Variants in BCAS3 observed in about 807,000 individuals in gnomAD.
BCAS3 encodes BCAS4/BCAS3 fusion.
A neutral mutation model predicts 116.1 loss-of-function variants in BCAS3; 53 were observed. The observed-to-expected ratio is 0.46, with a 90% CI of 0.37 to 0.57. BCAS3 has a LOEUF of 0.57. Ranked by LOEUF, BCAS3 falls within the 20% of genes least tolerant of loss-of-function variation. The probability of loss-of-function intolerance (pLI) is 0.00; values close to 1 mark genes in which losing one functional copy is unlikely to be tolerated. For synonymous variants in BCAS3, 391 were observed against 408.2 expected, an observed-to-expected ratio of 0.96 and a Z score of 0.51; for missense variants, 917 against 1,165.4, an observed-to-expected ratio of 0.79 and a Z score of 3.10.
At chr17:60,825,444 C>T (rs1367302700) in intron 7 of BCAS3, among the ~76,000 whole-genome samples, 1 of 149,678 alleles carries the variant, frequency 6.7e-6, no homozygotes, top group African/African-American at 2.4e-5. Flanking sequence ...TGCTGGTGTC[C>T]TAGTTTGTTC....
chr17:60,918,711 G>C (rs571083567), intron 12 of BCAS3, among the ~76,000 whole-genome samples: 12 of 52,978 alleles, frequency 2.3e-4, no homozygotes, highest in Non-Finnish European at 3.3e-4. Flanking sequence ...TTTTTTTTTT[G>C]AGATGGAGTC....
chr17:60,934,113 G>GAA (rs11464468), intron 13 of BCAS3, among the ~76,000 whole-genome samples: 1 of 150,010 alleles, frequency 6.7e-6, no homozygotes, highest in African/African-American at 2.4e-5. Context: ...TTTAAAAGCA[G>GAA]AAAAAAAAAC....
intron 3 of BCAS3, among the ~76,000 whole-genome samples, chr17:60,686,947 A>C (rs1281326385): frequency 6.6e-6 from 1 of 152,236 alleles, no homozygotes; most frequent in Non-Finnish European, 1.5e-5. Flanking sequence ...GTCAATTAAT[A>C]AGCAAATGAT....
intron 14 of BCAS3, among the ~76,000 whole-genome samples, chr17:60,982,912 C>G (rs1328719594): frequency 6.6e-6 from 1 of 152,174 alleles, no homozygotes. Context: ...CAAACATTTT[C>G]TGTGTCAGTT....
intron 22 of BCAS3, among the ~76,000 whole-genome samples, chr17:61,100,038 C>G (rs539470493): frequency 2.2e-4 from 33 of 152,282 alleles, no homozygotes; most frequent in African/African-American, 7.7e-4. Context: ...CGTCTTGAGT[C>G]TTAAACCTAT....
At chr17:60,865,830 C>T (rs1023295940) in intron 7 of BCAS3, among the ~76,000 whole-genome samples, 1 of 152,130 alleles carries the variant, frequency 6.6e-6, no homozygotes, top group Admixed American at 6.5e-5. Context: ...AATTTTGCCT[C>T]GTTCTTGACC....
At chr17:60,743,507 T>C (rs1242731742) in intron 5 of BCAS3, among the ~76,000 whole-genome samples, 4 of 148,830 alleles carry the variant, frequency 2.7e-5, no homozygotes, top group Admixed American at 2.6e-4. Flanking sequence ...TGATAAAGTT[T>C]GCTAAAAAAA....
chr17:61,110,254 T>C (rs1472488120), intron 22 of BCAS3, among the ~76,000 whole-genome samples: 4 of 152,220 alleles, frequency 2.6e-5, no homozygotes, highest in Admixed American at 1.3e-4. Flanking sequence ...GATGGCCGAA[T>C]AGGAACAGCT....
At chr17:61,155,161 AT>A (rs575893682) in intron 22 of BCAS3, among the ~76,000 whole-genome samples, 4 of 151,750 alleles carry the variant, frequency 2.6e-5, no homozygotes, top group Non-Finnish European at 4.4e-5. Flanking sequence ...CTTACATATG[AT>A]TTTTTTTTAA....
In BCAS3 at chr17:60,808,013, A is replaced by T; in HGVS notation, c.413A>T (p.Lys138Ile). ...ILPAPQFGAQ[K>I]CDNFAEKRPL... ...TTATCCTTCCTGTCAGGTGCTCAAA[A>T]ATGTGATAACTTTGCTGAAAAAAGA... Residue 138 changes from lysine (K) to isoleucine (I), a missense_variant, in exon 7 of 24, where the codon AAA becomes ATA. By Grantham distance (102) the Lys-to-Ile change is moderately radical. Transcript: ENST00000407086. The T allele has an allele frequency of 6.2e-7, 1 of 1,606,210 alleles. No homozygotes were observed. Among genetic ancestry groups the T allele is most frequent in the Middle Eastern group, 1.7e-4 (1 of 6,048 alleles).
At chr17:60,850,992 A>C (rs2053093847) in intron 7 of BCAS3, among the ~76,000 whole-genome samples, 2 of 152,234 alleles carry the variant, frequency 1.3e-5, no homozygotes, top group Non-Finnish European at 2.9e-5. Context: ...ATGCTCCTAG[A>C]AGATAACATA....
intron 7 of BCAS3, among the ~76,000 whole-genome samples, chr17:60,840,972 G>A (rs1159006866): frequency 6.6e-6 from 1 of 152,138 alleles, no homozygotes; most frequent in Non-Finnish European, 1.5e-5. Context: ...AAATGTTAGT[G>A]TGTTACAGAA....
intron 16 of BCAS3, chr17:61,016,964 A>T (rs969170653): frequency 7.2e-5 from 11 of 152,316 alleles, no homozygotes; most frequent in Middle Eastern, 3.4e-3. Context: ...TGGTGTTTGT[A>T]TATAAAAAGA....
intron 22 of BCAS3, among the ~76,000 whole-genome samples, chr17:61,331,372 A>G (rs1382845686): frequency 6.6e-6 from 1 of 152,172 alleles, no homozygotes; most frequent in Non-Finnish European, 1.5e-5. Flanking sequence ...TGATCACTGG[A>G]GCTTCCAAAA....
chr17:61,307,367 T>C lies in BCAS3; in HGVS notation c.2426-60960T>C, dbSNP rs1568811051. 6.6e-6 allele frequency among the ~76,000 whole-genome samples: 1 copy of C among 152,372 alleles called. No homozygotes were observed. The highest frequency in any genetic ancestry group is 1.9e-4 in the East Asian group (1 of 5,192). On this transcript the variant is annotated intron_variant, in intron 22 of 23. Coordinates refer to ENST00000407086, the MANE Select transcript of BCAS3 (RefSeq NM_017679.5). The surrounding 1 kb of genome is among the most constrained non-coding windows in gnomAD (Gnocchi z 4.7). Reference sequence around the variant, plus strand: ...CCTGTCTACTTTTACTAGAGTTTACTAGAGGTTTCCTCAAGTTCCTTGAGC... The same window carrying C: ...CCTGTCTACTTTTACTAGAGTTTACCAGAGGTTTCCTCAAGTTCCTTGAGC...
Position 61,109,117 on chromosome 17 carries a change from C to T in BCAS3, c.2425+24553C>T, listed in dbSNP as rs143946207. Among the ~76,000 whole-genome samples, 21 of 147,700 alleles carry T rather than the reference C, an allele frequency of 1.4e-4. No individual in the cohort carries two copies. The East Asian group carries it at 3.6e-3, about 25-fold the overall frequency. ...ATGAGAATCACTTGAAACCAGGAGG[C>T]GGAGGTTGCAGTGAGCTGAGATCAC... On this transcript the variant is annotated intron_variant, in intron 22 of 23. Coordinates refer to ENST00000407086, the MANE Select transcript of BCAS3 (RefSeq NM_017679.5).
chr17:60,954,720 C>T (rs1222160270), intron 14 of BCAS3, among the ~76,000 whole-genome samples: 2 of 152,152 alleles, frequency 1.3e-5, no homozygotes, highest in Non-Finnish European at 1.5e-5. Flanking sequence ...TTTAACATCT[C>T]ATACATATAA....
At chr17:60,799,708 C>CTTTTTTTTTTTTTTTT in intron 6 of BCAS3, among the ~76,000 whole-genome samples, 1 of 49,838 alleles carries the variant, frequency 2.0e-5, no homozygotes, top group Non-Finnish European at 3.5e-5. Flanking sequence ...TTTTTCTTTT[C>CTTTTTTTTTTTTTTTT]TTTTTTTTTT....
Position 61,023,349 on chromosome 17 carries a change from C to T in BCAS3, c.1637+7448C>T, listed in dbSNP as rs1237575437. On this transcript the variant is annotated intron_variant, in intron 16 of 23. Coordinates refer to ENST00000407086, the MANE Select transcript of BCAS3 (RefSeq NM_017679.5). The surrounding 1 kb of genome is among the most constrained non-coding windows in gnomAD (Gnocchi z 4.8). ...TATTTATATGGGCTCATTCTGATGT[C>T]TGTTCTGTGGCAGTGCCTGAATTGT... Among the ~76,000 whole-genome samples the T allele has an allele frequency of 6.6e-6, 1 of 152,170 alleles. No individual in the cohort carries two copies. The highest frequency in any genetic ancestry group is 2.4e-5 in the African/African-American group (1 of 41,452).
Sources: gnomAD v4.1 joint callset for allele counts (sites outside exome capture counted in the v4.1 genomes callset) on GRCh38, gnomAD v4.1.1 for gene constraint, Gnocchi (gnomAD v3.1) non-coding constraint, MANE v1.5 for transcripts, NCBI Gene and HGNC (gene_info 2026-07-23, HGNC 2026-07-21) for gene names.